The following DLG2 variants were observed in gnomAD, a reference collection of about 807,000 sequenced individuals.
DLG2 encodes the protein discs large MAGUK scaffold protein 2.
DLG2 carries 45 observed loss-of-function variants against 132.5 expected under a neutral mutation model. The ratio of observed to expected loss-of-function variants is 0.34; its 90% confidence interval spans 0.27 to 0.44. DLG2 has a LOEUF of 0.44. DLG2 is among the 20% of genes least tolerant of loss of function. The pLI, the probability that DLG2 is intolerant of heterozygous loss-of-function variation, is 1.00. For synonymous variants in DLG2, 424 were observed against 419.6 expected, an observed-to-expected ratio of 1.01 and a Z score of -0.13; for missense variants, 1,045 against 1,196.9, an observed-to-expected ratio of 0.87 and a Z score of 1.87.
chr11:83,704,875 C>G (rs2083634263), intron 18 of DLG2, among the ~76,000 whole-genome samples: 3 of 152,048 alleles, frequency 2.0e-5, no homozygotes, highest in South Asian at 4.2e-4. Flanking sequence ...TGAGTATAAC[C>G]TTAAAGTCAC....
chr11:83,832,184 T>G (rs7949466), intron 17 of DLG2, among the ~76,000 whole-genome samples: 6,279 of 152,244 alleles, frequency 0.041, 470 homozygotes, highest in African/African-American at 0.14. Context: ...TGTGTGCCTA[T>G]AGTCACCAAT....
At chr11:84,450,585 A>G (rs775634880) in intron 7 of DLG2, among the ~76,000 whole-genome samples, 1 of 151,696 alleles carries the variant, frequency 6.6e-6, no homozygotes, top group East Asian at 1.9e-4. Flanking sequence ...AGAATGATGA[A>G]GGTGGTAGAA....
intron 6 of DLG2, among the ~76,000 whole-genome samples, chr11:84,979,864 G>T (rs1175679562): frequency 1.3e-5 from 2 of 151,758 alleles, no homozygotes; most frequent in African/African-American, 4.8e-5. Context: ...TTGTTATTGG[G>T]TGCACATACA....
chr11:83,888,008 A>G (rs1372997449), intron 15 of DLG2, among the ~76,000 whole-genome samples: 1 of 141,448 alleles, frequency 7.1e-6, no homozygotes, highest in Non-Finnish European at 1.5e-5. Context: ...GAATGGGCAA[A>G]AACTGGAAGC....
intron 6 of DLG2, among the ~76,000 whole-genome samples, chr11:84,952,385 C>T (rs1457112161): frequency 1.3e-5 from 2 of 152,010 alleles, no homozygotes; most frequent in East Asian, 1.9e-4. Flanking sequence ...GGCGCAGTGG[C>T]GGGCGCCTGT....
At chr11:83,976,165 C>G (rs1565879816) in intron 12 of DLG2, among the ~76,000 whole-genome samples, 1 of 151,892 alleles carries the variant, frequency 6.6e-6, no homozygotes, top group African/African-American at 2.4e-5. Context: ...ATTACTAACT[C>G]TTTAAAAAAT....
chr11:85,591,803 C>A (rs2079362624), intron 3 of DLG2, among the ~76,000 whole-genome samples: 1 of 152,154 alleles, frequency 6.6e-6, no homozygotes, highest in African/African-American at 2.4e-5. Context: ...TCATTCATAG[C>A]CAACTCTACT....
chr11:84,044,459 T>A lies in DLG2; in HGVS notation c.919+14856A>T, dbSNP rs569009565. 1.9e-4 allele frequency among the ~76,000 whole-genome samples: 29 copies of A among 151,800 alleles called. 1 individual carries two copies. Among genetic ancestry groups the A allele is most frequent in the African/African-American group, 6.0e-4 (25 of 41,490 alleles). On this transcript the variant is annotated intron_variant, in intron 11 of 27. Transcript: ENST00000376104. ...AATTATTTTGTTTTCCCACGCCAAG[T>A]TACAGTGGGAGTGGAGGTCTGGCTA...
intron 3 of DLG2, among the ~76,000 whole-genome samples, chr11:85,570,302 T>C (rs1565699460): frequency 6.6e-6 from 1 of 152,186 alleles, no homozygotes; most frequent in African/African-American, 2.4e-5. Context: ...TATTTTGTGG[T>C]ATAATCTATG....
chr11:84,407,379 C>T (rs1601590952), intron 7 of DLG2, among the ~76,000 whole-genome samples: 2 of 152,136 alleles, frequency 1.3e-5, no homozygotes, highest in Non-Finnish European at 1.5e-5. Flanking sequence ...CTTTCACGGC[C>T]TTCCTACTGT....
chr11:83,889,542 A>AGT (rs1270242769), intron 15 of DLG2, among the ~76,000 whole-genome samples: 1 of 152,246 alleles, frequency 6.6e-6, no homozygotes, highest in Admixed American at 6.5e-5. Flanking sequence ...TGTGGAAGTC[A>AGT]GTGTGGTGAT....
intron 6 of DLG2, among the ~76,000 whole-genome samples, chr11:84,712,347 T>G (rs2060542007): frequency 6.6e-6 from 1 of 152,060 alleles, no homozygotes; most frequent in South Asian, 2.1e-4. Flanking sequence ...AAGTGGCAAG[T>G]ATGTATTGTC....
chr11:85,473,339 G>A (rs1249685962), intron 3 of DLG2, among the ~76,000 whole-genome samples: 1 of 152,106 alleles, frequency 6.6e-6, no homozygotes, highest in East Asian at 1.9e-4. Flanking sequence ...TCAAAATGTT[G>A]GAAAATAATA....
intron 6 of DLG2, among the ~76,000 whole-genome samples, chr11:84,911,402 C>A (rs952047126): frequency 6.6e-6 from 1 of 151,510 alleles, no homozygotes; most frequent in Non-Finnish European, 1.5e-5. Context: ...AATATTTTAA[C>A]CTGTATTTAT....
chr11:85,016,798 T>C (rs772950414), intron 6 of DLG2, among the ~76,000 whole-genome samples: 14 of 152,094 alleles, frequency 9.2e-5, no homozygotes, highest in Non-Finnish European at 1.6e-4. Context: ...AGTCTCCTAA[T>C]AAAATTGAGG....
At chr11:85,526,387 C>T (rs1005221737) in intron 3 of DLG2, among the ~76,000 whole-genome samples, 2 of 151,692 alleles carry the variant, frequency 1.3e-5, no homozygotes, top group African/African-American at 4.8e-5. Context: ...GACAGTAGTG[C>T]AACATCTTTA....
At chr11:85,256,141 C>T (rs1484242417) in intron 4 of DLG2, among the ~76,000 whole-genome samples, 2 of 152,232 alleles carry the variant, frequency 1.3e-5, no homozygotes, top group Non-Finnish European at 2.9e-5. Flanking sequence ...TGGCCAGCCA[C>T]GCCCCCTATC....
chr11:84,589,440 C>T (rs1196419109), intron 6 of DLG2, among the ~76,000 whole-genome samples: 2 of 152,210 alleles, frequency 1.3e-5, no homozygotes, highest in Admixed American at 1.3e-4. Flanking sequence ...TCTAGAAGCT[C>T]AATCCTGTGA....
chr11:85,156,603 C>G (rs2077603504), intron 4 of DLG2, among the ~76,000 whole-genome samples: 1 of 152,198 alleles, frequency 6.6e-6, no homozygotes, highest in Non-Finnish European at 1.5e-5. Context: ...GTCAATCTGA[C>G]TGTATCTCTC....
Sources: gnomAD v4.1 joint callset for allele counts (sites outside exome capture counted in the v4.1 genomes callset) on GRCh38, gnomAD v4.1.1 for gene constraint, MANE v1.5 for transcripts, NCBI Gene and HGNC (gene_info 2026-07-23, HGNC 2026-07-21) for gene names.